Variants in ARAP2 observed in about 807,000 individuals in gnomAD.
ARAP2 encodes the protein arf-GAP with Rho-GAP domain, ANK repeat and PH domain-containing protein 2.
In ARAP2, 148 loss-of-function variants were observed where a neutral mutation model predicts 194.5. That is an observed-to-expected ratio of 0.76 (90% CI 0.67 to 0.87). The LOEUF (loss-of-function observed/expected upper bound fraction) is 0.87. Among genes scored for constraint, ARAP2 ranks in the 40% least tolerant of loss-of-function variants. The probability of loss-of-function intolerance (pLI) is 0.00; values close to 1 mark genes in which losing one functional copy is unlikely to be tolerated. For synonymous variants in ARAP2, 695 were observed against 683.5 expected (o/e 1.02, Z -0.26); for missense variants, 2,128 against 1,989.7 (o/e 1.07, Z -1.32).
At chr4:36,061,562 C>T (rs1037863169), downstream of ARAP2, among the ~76,000 whole-genome samples, 12 of 152,172 alleles carry the variant, frequency 7.9e-5, no homozygotes, top group African/African-American at 2.7e-4. Flanking sequence ...TTTTCTTTAT[C>T]GATTCGTCTG....
chr4:36,160,853 A>C (rs998026551), intron 12 of ARAP2, among the ~76,000 whole-genome samples: 2 of 152,200 alleles, frequency 1.3e-5, no homozygotes, highest in Non-Finnish European at 2.9e-5. Flanking sequence ...ATAATGGAGA[A>C]AAATTAGCTT....
chr4:36,009,635 CT>C (rs1560255375), intron 9 of ARAP2, among the ~76,000 whole-genome samples: 1 of 151,502 alleles, frequency 6.6e-6, no homozygotes, highest in East Asian at 1.9e-4. Context: ...TATTTATCCC[CT>C]GATTATAAAA....
intron 19 of ARAP2, among the ~76,000 whole-genome samples, chr4:36,139,344 T>A (rs970742848): frequency 3.3e-5 from 5 of 151,672 alleles, no homozygotes; most frequent in South Asian, 4.1e-4. Context: ...ATATTTTAAA[T>A]ATTAAACTGA....
intron 8 of ARAP2, among the ~76,000 whole-genome samples, chr4:36,179,382 G>A (rs762796682): frequency 6.6e-6 from 1 of 152,190 alleles, no homozygotes; most frequent in Non-Finnish European, 1.5e-5. Context: ...TTGGCCAGGC[G>A]AAGAAGGAGA....
chr4:36,097,738 T>C (rs192542980), intron 27 of ARAP2, among the ~76,000 whole-genome samples: 27 of 152,238 alleles, frequency 1.8e-4, no homozygotes, highest in Admixed American at 6.6e-4. Flanking sequence ...CTATTTCATT[T>C]ACTACCTTTT....
chr4:36,170,792 G>T (rs76000835), intron 9 of ARAP2, among the ~76,000 whole-genome samples: 1,734 of 152,164 alleles, frequency 0.011, 16 homozygotes, highest in Non-Finnish European at 0.018. Context: ...AAACAGTCCT[G>T]GCAAAGCAAA....
chr4:36,041,005 C>T (rs1250931489), intron 5 of ARAP2, among the ~76,000 whole-genome samples: 2 of 151,810 alleles, frequency 1.3e-5, no homozygotes, highest in Non-Finnish European at 1.5e-5. Context: ...TATGTTCCTT[C>T]AATACCTAGT....
At chr4:36,195,665 C>T (rs1742906205) in intron 6 of ARAP2, among the ~76,000 whole-genome samples, 1 of 152,182 alleles carries the variant, frequency 6.6e-6, no homozygotes, top group African/African-American at 2.4e-5. Flanking sequence ...CCCATTACCC[C>T]ACTATTCCCT....
At chr4:36,184,457 T>C (rs952909532) in intron 8 of ARAP2, among the ~76,000 whole-genome samples, 1 of 152,186 alleles carries the variant, frequency 6.6e-6, no homozygotes, top group Admixed American at 6.5e-5. Flanking sequence ...CTACAACTTA[T>C]TTTAAAAACG....
chr4:36,038,312 A>T (rs2109219751), intron 5 of ARAP2, among the ~76,000 whole-genome samples: 1 of 152,318 alleles, frequency 6.6e-6, no homozygotes, highest in East Asian at 1.9e-4. Context: ...TACTTGTCTC[A>T]AAAGACTATA....
chr4:36,121,097 A>C, intron 23 of ARAP2, 82 bp downstream of exon 23: 1 of 1,055,738 alleles, frequency 9.5e-7, no homozygotes, highest in Non-Finnish European at 1.3e-6. Flanking sequence ...GATCTGAATA[A>C]TAACACCCTA....
chr4:36,016,834 G>T (rs1284958273), intron 6 of ARAP2, among the ~76,000 whole-genome samples: 1 of 152,024 alleles, frequency 6.6e-6, no homozygotes, highest in Non-Finnish European at 1.5e-5. Context: ...TATATTCTTT[G>T]AGAGACCTCT....
At chr4:36,073,574 A>G in intron 32 of ARAP2, 115 bp downstream of exon 32, 1 of 1,200,674 alleles carries the variant, frequency 8.3e-7, no homozygotes, top group Non-Finnish European at 1.2e-6. Flanking sequence ...ATGCTTTACA[A>G]AGTGATTATT....
chr4:36,171,383 A>G (rs1381598083), intron 9 of ARAP2, among the ~76,000 whole-genome samples: 3 of 152,156 alleles, frequency 2.0e-5, no homozygotes, highest in Non-Finnish European at 4.4e-5. Context: ...ACATGGATGA[A>G]ACTGGAAACC....
intron 22 of ARAP2, among the ~76,000 whole-genome samples, chr4:36,123,243 A>G (rs1229549107): frequency 1.3e-5 from 2 of 151,764 alleles, no homozygotes; most frequent in Non-Finnish European, 2.9e-5. Flanking sequence ...CTTTAATTAC[A>G]TTGTGGTGCA....
At chr4:36,061,091 T>A (rs892707790), downstream of ARAP2, among the ~76,000 whole-genome samples, 1 of 152,302 alleles carries the variant, frequency 6.6e-6, no homozygotes, top group Admixed American at 6.5e-5. Flanking sequence ...TTTTTATGGG[T>A]ACATAGTAGG....
chr4:36,238,310 G>A (rs1177435721), intron 1 of ARAP2, among the ~76,000 whole-genome samples: 2 of 152,106 alleles, frequency 1.3e-5, no homozygotes, highest in African/African-American at 2.4e-5. Context: ...ATAACCAGTA[G>A]TTGTGGATGT....
At chr4:36,124,164 T>C (rs1577974770) in intron 22 of ARAP2, among the ~76,000 whole-genome samples, 1 of 151,944 alleles carries the variant, frequency 6.6e-6, no homozygotes, top group South Asian at 2.1e-4. Context: ...CATTTCTAAA[T>C]TGAGACTGCA....
intron 27 of ARAP2, among the ~76,000 whole-genome samples, chr4:36,099,472 C>T (rs982532336): frequency 3.3e-5 from 5 of 152,144 alleles, no homozygotes; most frequent in African/African-American, 1.2e-4. Flanking sequence ...ATTACAATAT[C>T]GTACGCCTGT....
Sources: gnomAD v4.1 joint callset for allele counts (sites outside exome capture counted in the v4.1 genomes callset) on GRCh38, gnomAD v4.1.1 for gene constraint, MANE v1.5 for transcripts, NCBI Gene and HGNC (gene_info 2026-07-23, HGNC 2026-07-21) for gene names.